The following SVBP variants were observed in gnomAD, a reference collection of about 807,000 sequenced individuals.
SVBP encodes the protein small vasohibin-binding protein.
In SVBP, 9 loss-of-function variants were observed where a neutral mutation model predicts 9.2. That is an observed-to-expected ratio of 0.98 (90% CI 0.59 to 1.71). SVBP has a LOEUF of 1.71. SVBP is among the 40% of genes most tolerant of loss of function. The pLI, the probability that SVBP is intolerant of heterozygous loss-of-function variation, is 0.00. For synonymous variants in SVBP, 27 were observed against 23.9 expected (o/e 1.13, Z -0.37); for missense variants, 63 against 73.2 (o/e 0.86, Z 0.51).
chr1:42,807,427 G>A lies in SVBP; in HGVS notation c.188C>T (p.Pro63Leu). The change falls in exon 3 of 3, where the codon CCT becomes CTT. Residue 63 changes from proline (P) to leucine (L), a missense_variant. Coordinates refer to ENST00000372521, the MANE Select transcript of SVBP (RefSeq NM_199342.4). ...QFDEFCKQMQPPGE is the reference protein window; with the variant it reads ...QFDEFCKQMQLPGE ...GAACCTGGGGCCTCATTCTCCAGGAGGCTGCATCTGTTTACAGAACTCATC... is the reference window on the plus strand; with the variant it reads ...GAACCTGGGGCCTCATTCTCCAGGAAGCTGCATCTGTTTACAGAACTCATC... 1 of 1,613,618 alleles carries A rather than the reference G, an allele frequency of 6.2e-7. No homozygotes were observed. Among genetic ancestry groups the A allele is most frequent in the Non-Finnish European group, 8.5e-7 (1 of 1,179,602 alleles).
chr1:42,812,519 G>A (rs1654103394), intron 2 of SVBP, among the ~76,000 whole-genome samples: 1 of 152,226 alleles, frequency 6.6e-6, no homozygotes, highest in African/African-American at 2.4e-5. Flanking sequence ...ACTGGGGACA[G>A]TAGCAACACA....
chr1:42,808,483 T>C (rs1654015644), intron 2 of SVBP, among the ~76,000 whole-genome samples: 1 of 145,486 alleles, frequency 6.9e-6, no homozygotes. Context: ...GTATATATAC[T>C]ATATATAGTA....
In SVBP at chr1:42,810,153, CAT is replaced by C. The variant is rs774741674; in HGVS notation, c.115-2655_115-2654del. On this transcript the variant is annotated intron_variant, in intron 2 of 2. Coordinates refer to ENST00000372521, the MANE Select transcript of SVBP (RefSeq NM_199342.4). ...ACACACACACACACACACACACACA[CAT>C]ATATTTTTTTTGTGAGCAGAGTCTT... Among the ~76,000 whole-genome samples, 960 of 141,274 alleles carry C rather than the reference CAT, an allele frequency of 6.8e-3. 6 individuals are homozygous for C. Among genetic ancestry groups the C allele is most frequent in the African/African-American group, 0.024 (812 of 34,218 alleles). 92.7% of individuals were successfully genotyped at this position (141,274 alleles called of 152,430 possible).
In SVBP at chr1:42,807,153, GTTT is replaced by G. The variant is rs142694785; in HGVS notation, c.*258_*260del. On this transcript the variant is annotated 3_prime_UTR_variant, in exon 3 of 3. Transcript: ENST00000372521. ...AATAGAAAAAGTGTTTTTTGTGTGT[GTTT>G]TTTTTTTTTTTTTAAAAAAACCCAA... is the stretch of plus-strand genomic sequence containing the variant. 44 of 181,092 alleles carry G rather than the reference GTTT, an allele frequency of 2.4e-4. No homozygotes were observed. Among genetic ancestry groups the G allele is most frequent in the East Asian group, 3.9e-4 (5 of 12,700 alleles). The allele number at this position is 181,092 out of a possible 1,614,324, so 11.2% of individuals were successfully genotyped here. A position where few individuals can be genotyped will look rare whatever the true frequency, so the allele number is the denominator to read the frequency against.
At position 42,807,175 on chromosome 1, in the gene SVBP, A is replaced by T; in HGVS notation, c.*239T>A. On this transcript the variant is annotated 3_prime_UTR_variant, in exon 3 of 3. Transcript: ENST00000372521. ...TGTGTTTTTTTTTTTTTTTTAAAAA[A>T]ACCCAAAAAACAAAACCACTGTCTT... is the stretch of plus-strand genomic sequence containing the variant. 3.1e-6 allele frequency: 1 copy of T among 320,434 alleles called. No homozygotes were observed. Among genetic ancestry groups the T allele is most frequent in the Admixed American group, 4.9e-5 (1 of 20,458 alleles). 19.8% of individuals were successfully genotyped at this position (320,434 alleles called of 1,614,324 possible).
chr1:42,817,375 C>A lies in SVBP; in HGVS notation c.-222G>T. The A allele has an allele frequency of 1.8e-6, 1 of 553,766 alleles. No homozygotes were observed. Among genetic ancestry groups the A allele is most frequent in the Non-Finnish European group, 2.4e-6 (1 of 415,246 alleles). The allele number at this position is 553,766 out of a possible 1,614,324, so 34.3% of individuals were successfully genotyped here. A position where few individuals can be genotyped will look rare whatever the true frequency, so the allele number is the denominator to read the frequency against. ...CCGAGCGCCAGGAGGCTTCCGCCCG[C>A]AGGAGCGGCCGCGCGTGCGCAGAGA... On this transcript the variant is annotated 5_prime_UTR_variant, in exon 1 of 3. Transcript: ENST00000372521.
At chr1:42,814,637 T>C (rs1421986608) in intron 2 of SVBP, among the ~76,000 whole-genome samples, 2 of 151,886 alleles carry the variant, frequency 1.3e-5, no homozygotes, top group East Asian at 2.0e-4. Context: ...AGACTCACCA[T>C]CAGAGAAATG....
Position 42,817,242 on chromosome 1 carries a change from G to C in SVBP, c.-89C>G, listed in dbSNP as rs1391164131. 2 of 1,253,984 alleles carry C rather than the reference G, an allele frequency of 1.6e-6. No homozygotes were observed. Among genetic ancestry groups the C allele is most frequent in the Non-Finnish European group, 2.1e-6 (2 of 972,804 alleles). 77.7% of individuals were successfully genotyped at this position (1,253,984 alleles called of 1,614,324 possible). On this transcript the variant is annotated 5_prime_UTR_variant, in exon 1 of 3. Transcript: ENST00000372521. Reference sequence around the variant, plus strand: ...GAGCCTCCGCCGAGTCGCAGACAACGCCTCCGGGAGGGTAATCCTCGCCTT... The same window carrying C: ...GAGCCTCCGCCGAGTCGCAGACAACCCCTCCGGGAGGGTAATCCTCGCCTT...
At position 42,807,153 on chromosome 1, in the gene SVBP, G is replaced by GTGT. The variant is rs370658595; in HGVS notation, c.*260_*261insACA. 9.5e-4 allele frequency: 172 copies of GTGT among 181,018 alleles called. No individual in the cohort carries two copies. The highest frequency in any genetic ancestry group is 5.2e-3 in the Middle Eastern group (3 of 582). 11.2% of individuals were successfully genotyped at this position (181,018 alleles called of 1,614,324 possible). A position where few individuals can be genotyped will look rare whatever the true frequency, so the allele number is the denominator to read the frequency against. On this transcript the variant is annotated 3_prime_UTR_variant, in exon 3 of 3. Coordinates refer to ENST00000372521, the MANE Select transcript of SVBP (RefSeq NM_199342.4). ...AATAGAAAAAGTGTTTTTTGTGTGT[G>GTGT]TTTTTTTTTTTTTTTTAAAAAAACC...
At position 42,816,492 on chromosome 1, in the gene SVBP, C is replaced by T. The variant is rs755093082; in HGVS notation, c.53G>A (p.Arg18Lys). Residue 18 changes from arginine to lysine, a missense_variant, in exon 2 of 3, where the codon AGA (arginine) becomes AAA (lysine). By Grantham distance (26) the Arg-to-Lys change is conservative (BLOSUM62 2). Transcript: ENST00000372521. ...EKTKVKESVS[R>K]VEKAKQKSAQ... ...TGATTTCTGTTTGGCCTTCTCAACT[C>T]TGCTGACAGATTCTTTAACTTTGGT... The T allele has an allele frequency of 6.2e-7, 1 of 1,614,176 alleles. No individual in the cohort carries two copies. Among genetic ancestry groups the T allele is most frequent in the Admixed American group, 1.7e-5 (1 of 60,020 alleles).
At chr1:42,817,074 CCCCGCCCCGGCCCGCCCGGCCCCAG>C in intron 1 of SVBP, 91 bp downstream of exon 1, 1 of 441,290 alleles carries the variant, frequency 2.3e-6, no homozygotes, top group Non-Finnish European at 3.0e-6. Context: ...GGCCCCCCGA[CCCCGCCCCGGCCCGCCCGGCCCCAG>C]GGGACGGCCC....
intron 2 of SVBP, among the ~76,000 whole-genome samples, chr1:42,810,125 T>C (rs1385127): frequency 0.22 from 31,280 of 140,708 alleles, 3,673 homozygotes; most frequent in Middle Eastern, 0.3. Context: ...CATACATACA[T>C]ACACACACAC....
intron 2 of SVBP, among the ~76,000 whole-genome samples, chr1:42,808,208 A>G (rs574503783): frequency 6.9e-4 from 98 of 141,210 alleles, no homozygotes; most frequent in Admixed American, 1.2e-3. Context: ...TATAGCTTAT[A>G]TAAGTTATAA....
chr1:42,808,846 G>A lies in SVBP; in HGVS notation c.115-1346C>T, dbSNP rs191456469. Among the ~76,000 whole-genome samples the A allele has an allele frequency of 8.6e-5, 13 of 151,980 alleles. No individual in the cohort carries two copies. The East Asian group carries it at 1.6e-3, about 18-fold the overall frequency. On this transcript the variant is annotated intron_variant, in intron 2 of 2. Coordinates refer to ENST00000372521, the MANE Select transcript of SVBP (RefSeq NM_199342.4). ...CAAGTAGCTGAGATTACAGGTGCCC[G>A]CCACCAAACCCGGCTAAGTTTTGTA... is the stretch of plus-strand genomic sequence containing the variant.
At chr1:42,815,342 A>T (rs2124254305) in intron 2 of SVBP, among the ~76,000 whole-genome samples, 1 of 151,820 alleles carries the variant, frequency 6.6e-6, no homozygotes, top group Non-Finnish European at 1.5e-5. Context: ...TGTTGTGCAC[A>T]GGTACCCTAG....
At chr1:42,816,043 A>C (rs1448172728) in intron 2 of SVBP, among the ~76,000 whole-genome samples, 1 of 152,236 alleles carries the variant, frequency 6.6e-6, no homozygotes, top group Non-Finnish European at 1.5e-5. Context: ...GTGAGTTTAA[A>C]GCTTGGGCCT....
intron 2 of SVBP, chr1:42,813,468 G>T (rs1171419026): frequency 1.4e-5 from 8 of 558,948 alleles, no homozygotes; most frequent in South Asian, 1.1e-4. Flanking sequence ...GAACTTCTGG[G>T]CTCTTACTGT....
chr1:42,814,090 C>CTTTTTT (rs548637240), intron 2 of SVBP, among the ~76,000 whole-genome samples: 10 of 144,510 alleles, frequency 6.9e-5, no homozygotes, highest in Non-Finnish European at 1.2e-4. Flanking sequence ...AGTTCTTTTT[C>CTTTTTT]TTTTTTTTTT....
chr1:42,811,299 G>A (rs372294276), intron 2 of SVBP, among the ~76,000 whole-genome samples: 8 of 152,306 alleles, frequency 5.3e-5, no homozygotes, highest in South Asian at 2.1e-4. Flanking sequence ...TTGAAGTGAG[G>A]ATAATACTGC....
Sources: allele counts gnomAD v4.1 joint callset (sites outside exome capture counted in the v4.1 genomes callset), GRCh38; gene constraint gnomAD v4.1.1; transcripts MANE v1.5; gene names NCBI Gene and HGNC (gene_info 2026-07-23, HGNC 2026-07-21).